FGD3: variants seen among roughly 807,000 people sequenced by gnomAD.
FGD3 encodes FYVE, RhoGEF and PH domain containing 3.
FGD3 carries 45 observed loss-of-function variants against 71.8 expected under a neutral mutation model. The observed-to-expected ratio is 0.63, with a 90% CI of 0.49 to 0.80. FGD3 has a LOEUF of 0.80. Among genes scored for constraint, FGD3 ranks in the 30% least tolerant of loss-of-function variants. FGD3 has a pLI of 0.00. For synonymous variants in FGD3, 378 were observed against 392.8 expected (o/e 0.96, Z 0.44); for missense variants, 844 against 951.5 (o/e 0.89, Z 1.49).
chr9:93,035,846 C>CAAAGT lies in FGD3; in HGVS notation c.*260_*264dup. On this transcript the variant is annotated 3_prime_UTR_variant, in exon 18 of 18. Coordinates refer to ENST00000375482, the MANE Select transcript of FGD3 (RefSeq NM_001083536.2). The stretch of plus-strand genomic sequence containing the variant: ...GTGGCCCAGAGCAGGGGCCGACTGC[C>CAAAGT]AAAGTAACCATCATCCATATGGGCC... 1 of 487,368 alleles carries CAAAGT rather than the reference C, an allele frequency of 2.1e-6. No homozygotes were observed. The highest frequency in any genetic ancestry group is 3.6e-6 in the Non-Finnish European group (1 of 279,380). The allele number at this position is 487,368 out of a possible 1,614,324, so 30.2% of individuals were successfully genotyped here.
intron 7 of FGD3, 46 bp from the exon 8 acceptor site, chr9:93,011,168 A>T (rs371721175): frequency 1.2e-6 from 2 of 1,603,782 alleles, no homozygotes; most frequent in African/African-American, 2.7e-5. Flanking sequence ...GCAAGCAAAA[A>T]CGGAGCCACC....
At chr9:92,992,081 G>T (rs1860434606) in intron 3 of FGD3, among the ~76,000 whole-genome samples, 1 of 152,054 alleles carries the variant, frequency 6.6e-6, no homozygotes, top group South Asian at 2.1e-4. Flanking sequence ...ATATAGTTGG[G>T]TCTTGGTTTG....
chr9:93,029,771 C>A, intron 14 of FGD3, 103 bp from the exon 15 acceptor site: 1 of 1,467,958 alleles, frequency 6.8e-7, no homozygotes. Flanking sequence ...TTGCCTTGAG[C>A]CTGTGTGGCT....
chr9:92,948,829 G>A (rs918257181), intron 1 of FGD3, among the ~76,000 whole-genome samples: 1 of 152,166 alleles, frequency 6.6e-6, no homozygotes, highest in Admixed American at 6.5e-5. Flanking sequence ...AGGCCAGCTG[G>A]CTTTGGACAC....
chr9:92,968,607 C>CTTTTTTTTTTTTTTTTTTTCTT (rs55908030), intron 1 of FGD3, among the ~76,000 whole-genome samples: 1 of 143,032 alleles, frequency 7.0e-6, no homozygotes, highest in African/African-American at 2.6e-5. Context: ...TTCTTTCTTT[C>CTTTTTTTTTTTTTTTTTTTCTT]TTTTTTTTTT....
At chr9:92,998,375 C>A (rs1860730374) in intron 3 of FGD3, among the ~76,000 whole-genome samples, 1 of 152,082 alleles carries the variant, frequency 6.6e-6, no homozygotes, top group Admixed American at 6.6e-5. Flanking sequence ...TTCGTCTAAC[C>A]TTTTTTCAAG....
At chr9:92,992,122 C>T (rs919213634) in intron 3 of FGD3, among the ~76,000 whole-genome samples, 2 of 152,162 alleles carry the variant, frequency 1.3e-5, no homozygotes, top group African/African-American at 4.8e-5. Flanking sequence ...ATCTTTTAAA[C>T]AGGGGAATTT....
At chr9:92,949,891 G>A (rs182616763) in intron 1 of FGD3, among the ~76,000 whole-genome samples, 1 of 152,256 alleles carries the variant, frequency 6.6e-6, no homozygotes, top group Admixed American at 6.5e-5. Context: ...ACCGGCAGAG[G>A]CTCAACTAAC....
At position 93,002,734 on chromosome 9, in the gene FGD3, G is replaced by A. The variant is rs545918624; in HGVS notation, c.454-191G>A. ...ACGTGGTCGCTGCAACTGCTCTGTA[G>A]TCAAAGGCCCATCTATGAGAACTGA... On this transcript the variant is annotated intron_variant, in intron 3 of 17. Coordinates refer to ENST00000375482, the MANE Select transcript of FGD3 (RefSeq NM_001083536.2). Among the ~76,000 whole-genome samples, 5 of 152,196 alleles carry A rather than the reference G, an allele frequency of 3.3e-5. No homozygotes were observed. In the South Asian group the frequency reaches 1.0e-3, roughly 32 times the overall value.
At position 92,976,683 on chromosome 9, in the gene FGD3, G is replaced by T. The variant is rs752925504; in HGVS notation, c.427G>T (p.Ala143Ser). Residue 143 changes from alanine (A) to serine (S), a missense_variant, in exon 3 of 18, where the codon GCT (alanine) becomes TCT (serine). Ala to Ser is a moderately conservative substitution (Grantham distance 99). Coordinates refer to ENST00000375482, the MANE Select transcript of FGD3 (RefSeq NM_001083536.2). ...EPDSENTPQK[A>S]DKDAGLAQHS... ...TGACTCTGAGAACACCCCCCAGAAG[G>T]CTGACAAGGATGCCGGCCTGGCCCA... The T allele has an allele frequency of 6.3e-7, 1 of 1,599,324 alleles. No homozygotes were observed. Among genetic ancestry groups the T allele is most frequent in the African/African-American group, 1.3e-5 (1 of 74,652 alleles).
At chr9:93,010,951 C>T (rs1207691321) in intron 7 of FGD3, among the ~76,000 whole-genome samples, 1 of 151,516 alleles carries the variant, frequency 6.6e-6, no homozygotes, top group African/African-American at 2.4e-5. Flanking sequence ...ACTGGTGTGG[C>T]TGGCAGGCAG....
chr9:92,964,360 G>T (rs1859237900), intron 1 of FGD3: 1 of 152,232 alleles, frequency 6.6e-6, no homozygotes, highest in South Asian at 2.1e-4. Context: ...ACAGGTGAGT[G>T]GGCTTGGTCC....
At chr9:92,961,688 G>A (rs912158621) in intron 1 of FGD3, among the ~76,000 whole-genome samples, 1 of 152,244 alleles carries the variant, frequency 6.6e-6, no homozygotes, top group Admixed American at 6.5e-5. Flanking sequence ...TGAGGCTACA[G>A]ATGGTGGCTG....
chr9:93,009,218 G>A (rs887986244), intron 6 of FGD3, among the ~76,000 whole-genome samples: 1 of 151,722 alleles, frequency 6.6e-6, no homozygotes, highest in African/African-American at 2.4e-5. Context: ...AGCCGAGATC[G>A]CGCCATTGCA....
intron 7 of FGD3, 122 bp from the exon 8 acceptor site, chr9:93,011,092 C>A: frequency 9.8e-7 from 1 of 1,024,300 alleles, no homozygotes; most frequent in Non-Finnish European, 1.5e-6. Context: ...AGCCCAGGCA[C>A]CCTGGGAAAG....
chr9:93,013,051 G>A (rs1018179225), intron 8 of FGD3, among the ~76,000 whole-genome samples: 1 of 152,036 alleles, frequency 6.6e-6, no homozygotes, highest in South Asian at 2.1e-4. Flanking sequence ...TGCACACCCA[G>A]CTCCCCTGTG....
At chr9:92,996,000 A>G (rs1860628600) in intron 3 of FGD3, among the ~76,000 whole-genome samples, 1 of 152,088 alleles carries the variant, frequency 6.6e-6, no homozygotes, top group Non-Finnish European at 1.5e-5. Flanking sequence ...ATAAAATGAA[A>G]TAGGGAAGAT....
chr9:93,010,363 C>G lies in FGD3; in HGVS notation c.955C>G (p.Pro319Ala). The change falls in exon 7 of 18, where the codon CCA becomes GCA. Residue 319 changes from proline (P) to alanine (A), a missense_variant. By Grantham distance (27) the Pro-to-Ala change is conservative. Transcript: ENST00000375482. ...TCTGAAGAGGCTCCCGCAGGACGCC[C>G]CAGACCGGAAGGATGCGGAGAGTGA... is the stretch of plus-strand genomic sequence containing the variant. ...DYLKRLPQDA[P>A]DRKDAERSLE... The G allele has an allele frequency of 6.2e-7, 1 of 1,612,166 alleles. No homozygotes were observed. The highest frequency in any genetic ancestry group is 8.5e-7 in the Non-Finnish European group (1 of 1,178,620).
intron 17 of FGD3, 107 bp downstream of exon 17, chr9:93,034,788 AGT>A (rs761590844): frequency 1.5e-5 from 19 of 1,276,766 alleles, no homozygotes; most frequent in Non-Finnish European, 1.9e-5. Context: ...CTGCTTGAGC[AGT>A]GTTACCTGGG....
Sources: gnomAD v4.1 joint callset for allele counts (sites outside exome capture counted in the v4.1 genomes callset) on GRCh38, gnomAD v4.1.1 for gene constraint, MANE v1.5 for transcripts, NCBI Gene and HGNC (gene_info 2026-07-23, HGNC 2026-07-21) for gene names.